PRIM2: variants seen among roughly 807,000 people sequenced by gnomAD.
PRIM2 encodes DNA primase subunit 2.
In PRIM2, 39 loss-of-function variants were observed where a neutral mutation model predicts 67.3. The observed-to-expected ratio is 0.58, with a 90% confidence interval of 0.45 to 0.76. The LOEUF is 0.76. PRIM2 is among the 30% of genes least tolerant of loss of function. PRIM2 has a pLI of 0.00. For synonymous variants in PRIM2, 143 were observed against 198.7 expected, an observed-to-expected ratio of 0.72 and a Z score of 2.36; for missense variants, 398 against 598.7, an observed-to-expected ratio of 0.66 and a Z score of 3.50.
intron 5 of PRIM2, among the ~76,000 whole-genome samples, chr6:57,337,112 C>A (rs1260019878): frequency 3.3e-5 from 5 of 151,890 alleles, no homozygotes; most frequent in South Asian, 2.1e-4. Flanking sequence ...AGAGACAAAG[C>A]ACGCCATTAC....
chr6:57,593,574 G>A (rs1190292106), intron 10 of PRIM2, among the ~76,000 whole-genome samples: 6,005 of 152,212 alleles, frequency 0.039, 137 homozygotes, highest in Non-Finnish European at 0.052. Flanking sequence ...AAGTACTGGC[G>A]TGAGCCACCG....
chr6:57,380,158 T>C (rs922263086), intron 6 of PRIM2, 162 bp downstream of exon 6: 2 of 216,940 alleles, frequency 9.2e-6, no homozygotes, highest in African/African-American at 4.7e-5. Flanking sequence ...GCCAATGTTC[T>C]CTCCTGGGCT....
rs866114541 is a variant in PRIM2 at position 57,335,520 on chromosome 6, T to C, written c.459+9475T>C. 1.2e-3 allele frequency among the ~76,000 whole-genome samples: 188 copies of C among 152,206 alleles called. 4 individuals are homozygous for C. The East Asian group carries it at 0.015, about 12-fold the overall frequency. ...CAGCACCCAGCTGGAGATCTGAGAA[T>C]GGGCAGACTGCCTCCTCAAGTGGGT... On this transcript the variant is annotated intron_variant, in intron 5 of 13. Coordinates refer to ENST00000615550, the MANE Select transcript of PRIM2 (RefSeq NM_000947.5).
At chr6:57,249,551 G>A in the PRIM2 span, among the ~76,000 whole-genome samples, 1 of 152,154 alleles carries the variant, frequency 6.6e-6, no homozygotes, top group Non-Finnish European at 1.5e-5. Flanking sequence ...AGGCCAGCCT[G>A]ACCAACATGG....
In PRIM2 at chr6:57,324,193, T is replaced by A. The variant is rs1027912739; in HGVS notation, c.259-8T>A. ...CATTTATTTTATTCATGTGTCATTA[T>A]TTTTAAGGAAAACTTAGAAGATGAA... On this transcript the variant is annotated splice_region_variant and splice_polypyrimidine_tract_variant and intron_variant, in intron 3 of 13. Coordinates refer to ENST00000615550, the MANE Select transcript of PRIM2 (RefSeq NM_000947.5). The A allele has an allele frequency of 2.2e-5, 33 of 1,512,998 alleles. No homozygotes were observed. Among genetic ancestry groups the A allele is most frequent in the Non-Finnish European group, 2.9e-5 (32 of 1,093,952 alleles). 93.7% of individuals were successfully genotyped at this position (1,512,998 alleles called of 1,614,324 possible). A position where few individuals can be genotyped will look rare whatever the true frequency, so the allele number is the denominator to read the frequency against.
At chr6:57,288,560 A>G in the PRIM2 span, among the ~76,000 whole-genome samples, 1 of 152,116 alleles carries the variant, frequency 6.6e-6, no homozygotes, top group Non-Finnish European at 1.5e-5. Flanking sequence ...CAGACACCTC[A>G]TAGAGACAGG....
the PRIM2 span, among the ~76,000 whole-genome samples, chr6:57,296,760 A>T: frequency 0.58 from 88,460 of 151,808 alleles, 26,720 homozygotes; most frequent in East Asian, 0.8. Flanking sequence ...AACCAGGTCT[A>T]ATTTCTAAAT....
At chr6:57,374,443 G>A (rs1161614136) in intron 5 of PRIM2, among the ~76,000 whole-genome samples, 46 of 150,154 alleles carry the variant, frequency 3.1e-4, no homozygotes, top group Non-Finnish European at 5.9e-4. Context: ...ACAGGCGCGC[G>A]CCACCATGCC....
rs1158722297 is a variant in PRIM2 at position 57,627,279 on chromosome 6, CAAAAAAA to C, written c.1231-4831_1231-4825del. On this transcript the variant is annotated intron_variant, in intron 12 of 13. Coordinates refer to ENST00000615550, the MANE Select transcript of PRIM2 (RefSeq NM_000947.5). ...TGGGTGACAGAGTGAGACTCTGTCTCAAAAAAAAAAAAAAAAAAAAAAAAAAAAAGTT... is the reference window on the plus strand; with the variant it reads ...TGGGTGACAGAGTGAGACTCTGTCTCAAAAAAAAAAAAAAAAAAAAAAGTT... Among the ~76,000 whole-genome samples the C allele has an allele frequency of 5.8e-3, 142 of 24,512 alleles. 1 individual carries two copies. Among genetic ancestry groups the C allele is most frequent in the Non-Finnish European group, 8.6e-3 (108 of 12,566 alleles). The allele number at this position is 24,512 out of a possible 152,430, so 16.1% of individuals were successfully genotyped here.
intron 12 of PRIM2, among the ~76,000 whole-genome samples, chr6:57,628,278 T>A (rs1479826985): frequency 3.3e-5 from 5 of 152,118 alleles, no homozygotes; most frequent in Non-Finnish European, 7.4e-5. Flanking sequence ...AGTATGTGTT[T>A]TCCTGACCTA....
chr6:57,364,727 C>T (rs1769299827), intron 5 of PRIM2, among the ~76,000 whole-genome samples: 1 of 151,932 alleles, frequency 6.6e-6, no homozygotes, highest in African/African-American at 2.4e-5. Flanking sequence ...GCTACCTTGC[C>T]CCTTGAGACT....
chr6:57,453,099 T>C (rs1240529588), intron 7 of PRIM2, among the ~76,000 whole-genome samples: 2 of 152,198 alleles, frequency 1.3e-5, no homozygotes, highest in Admixed American at 1.3e-4. Context: ...TGGTTGTAGA[T>C]ATGCGGCATT....
intron 7 of PRIM2, among the ~76,000 whole-genome samples, chr6:57,496,595 C>G (rs1395952539): frequency 4.9e-4 from 74 of 152,206 alleles, no homozygotes; most frequent in African/African-American, 1.8e-3. Context: ...AGTAAAGGAA[C>G]AGTTTTGGTT....
intron 10 of PRIM2, among the ~76,000 whole-genome samples, chr6:57,595,114 A>G (rs1776343354): frequency 2.0e-5 from 3 of 152,192 alleles, no homozygotes; most frequent in South Asian, 2.1e-4. Context: ...ATCATACCAA[A>G]TGTTGGGGAG....
intron 10 of PRIM2, among the ~76,000 whole-genome samples, chr6:57,560,411 T>C (rs1775604067): frequency 1.3e-5 from 2 of 149,472 alleles, no homozygotes; most frequent in African/African-American, 5.0e-5. Context: ...TCCGTGAAGG[T>C]TGGAAATCAA....
At chr6:57,422,655 G>A (rs1048454902) in intron 7 of PRIM2, among the ~76,000 whole-genome samples, 1 of 151,896 alleles carries the variant, frequency 6.6e-6, no homozygotes, top group Non-Finnish European at 1.5e-5. Context: ...TAAAACAAAT[G>A]TATCAGAATT....
At chr6:57,549,372 A>G (rs1775355815) in intron 10 of PRIM2, among the ~76,000 whole-genome samples, 1 of 152,216 alleles carries the variant, frequency 6.6e-6, no homozygotes, top group Admixed American at 6.5e-5. Flanking sequence ...GGTTAGACCC[A>G]GGTCTATTTT....
intron 7 of PRIM2, among the ~76,000 whole-genome samples, chr6:57,494,282 G>T (rs1773958449): frequency 6.6e-6 from 1 of 152,164 alleles, no homozygotes; most frequent in African/African-American, 2.4e-5. Flanking sequence ...ATTTTGGGCA[G>T]TCAGAAGAAT....
intron 10 of PRIM2, among the ~76,000 whole-genome samples, chr6:57,561,581 C>A (rs1775631408): frequency 1.3e-5 from 2 of 152,192 alleles, no homozygotes; most frequent in South Asian, 4.1e-4. Flanking sequence ...TCTCAGCCTT[C>A]ACAGAATTGA....
Sources: allele counts gnomAD v4.1 joint callset (sites outside exome capture counted in the v4.1 genomes callset), GRCh38; gene constraint gnomAD v4.1.1; transcripts MANE v1.5; gene names NCBI Gene and HGNC (gene_info 2026-07-23, HGNC 2026-07-21).